Variants in TASP1 observed in about 807,000 individuals in gnomAD.
TASP1 encodes taspase 1, also known as threonine aspartase 1.
A neutral mutation model predicts 56.6 loss-of-function variants in TASP1; 16 were observed. That is an observed-to-expected ratio of 0.28 (90% CI 0.19 to 0.43). The LOEUF (loss-of-function observed/expected upper bound fraction) is 0.43. Ranked by LOEUF, TASP1 falls within the 20% of genes least tolerant of loss-of-function variation. The probability of loss-of-function intolerance (pLI) is 1.00; values close to 1 mark genes in which losing one functional copy is unlikely to be tolerated. For missense variants in TASP1, 393 were observed against 511.6 expected, an observed-to-expected ratio of 0.77 and a Z score of 2.24; for synonymous variants, 179 against 184.2, an observed-to-expected ratio of 0.97 and a Z score of 0.23.
chr20:13,266,843 G>T, the TASP1 span, among the ~76,000 whole-genome samples: 1 of 152,134 alleles, frequency 6.6e-6, no homozygotes, highest in Non-Finnish European at 1.5e-5. Flanking sequence ...TACTCTGCTG[G>T]AATAATTCAC....
intron 5 of TASP1, among the ~76,000 whole-genome samples, chr20:13,586,893 G>A (rs575456750): frequency 1.3e-5 from 2 of 151,970 alleles, no homozygotes; most frequent in South Asian, 2.1e-4. Flanking sequence ...TAAACCCCAC[G>A]GGGAAAGGAA....
intron 4 of TASP1, among the ~76,000 whole-genome samples, chr20:13,593,170 C>T (rs910285284): frequency 6.6e-6 from 1 of 152,124 alleles, no homozygotes; most frequent in Non-Finnish European, 1.5e-5. Flanking sequence ...GATAATACAT[C>T]ATAACCAAGT....
chr20:13,153,035 C>G, the TASP1 span, among the ~76,000 whole-genome samples: 3 of 152,186 alleles, frequency 2.0e-5, no homozygotes, highest in South Asian at 6.2e-4. Flanking sequence ...ACCAATAAGA[C>G]GAAAGACTGT....
chr20:13,614,370 C>A (rs1311112404), intron 4 of TASP1, among the ~76,000 whole-genome samples: 1 of 150,720 alleles, frequency 6.6e-6, no homozygotes, highest in African/African-American at 2.4e-5. Context: ...GTAGTAGAAA[C>A]TAAGGCTTTT....
At chr20:13,504,752 T>C (rs2044068374) in intron 10 of TASP1, among the ~76,000 whole-genome samples, 1 of 152,144 alleles carries the variant, frequency 6.6e-6, no homozygotes, top group African/African-American at 2.4e-5. Flanking sequence ...AGTTTTCATA[T>C]CTAATCAAAG....
the TASP1 span, among the ~76,000 whole-genome samples, chr20:13,110,375 G>A: frequency 2.0e-5 from 3 of 152,186 alleles, no homozygotes; most frequent in East Asian, 1.9e-4. Context: ...GCTGTCAGAC[G>A]TGGGTTATCT....
At chr20:13,324,917 T>C in the TASP1 span, among the ~76,000 whole-genome samples, 2 of 152,146 alleles carry the variant, frequency 1.3e-5, no homozygotes, top group Non-Finnish European at 2.9e-5. Context: ...TGAAGAAAAA[T>C]ACAAGGATCC....
chr20:13,233,695 A>C, the TASP1 span, among the ~76,000 whole-genome samples: 1 of 152,156 alleles, frequency 6.6e-6, no homozygotes, highest in African/African-American at 2.4e-5. Flanking sequence ...CATGGGACAT[A>C]GGAAAATACA....
At chr20:13,146,713 G>T in the TASP1 span, among the ~76,000 whole-genome samples, 1 of 152,150 alleles carries the variant, frequency 6.6e-6, no homozygotes, top group African/African-American at 2.4e-5. Context: ...AACAGTGTCA[G>T]AAATTTTTCA....
At chr20:13,220,114 T>G in the TASP1 span, among the ~76,000 whole-genome samples, 1 of 151,656 alleles carries the variant, frequency 6.6e-6, no homozygotes, top group Admixed American at 6.6e-5. Flanking sequence ...GTGGACTAGG[T>G]CTTGGCTCGC....
intron 10 of TASP1, among the ~76,000 whole-genome samples, chr20:13,524,594 G>A (rs544701162): frequency 1.4e-4 from 21 of 152,254 alleles, no homozygotes; most frequent in African/African-American, 4.8e-4. Context: ...TTATCTTACT[G>A]CCTCAAGACA....
chr20:13,613,449 C>T (rs2048417878), intron 4 of TASP1, among the ~76,000 whole-genome samples: 1 of 151,930 alleles, frequency 6.6e-6, no homozygotes, highest in Non-Finnish European at 1.5e-5. Context: ...GGTGATCTGC[C>T]ATTATAAACA....
chr20:13,564,322 C>G (rs1042288344), intron 7 of TASP1, among the ~76,000 whole-genome samples: 1 of 151,974 alleles, frequency 6.6e-6, no homozygotes, highest in Non-Finnish European at 1.5e-5. Flanking sequence ...ATTAAGAAAG[C>G]AATCCCATTT....
chr20:13,148,767 T>C, the TASP1 span, among the ~76,000 whole-genome samples: 1 of 152,192 alleles, frequency 6.6e-6, no homozygotes, highest in Admixed American at 6.5e-5. Flanking sequence ...CCAGAGATCC[T>C]GATTTAATGG....
At chr20:13,390,924 T>C (rs562594501) in intron 13 of TASP1, among the ~76,000 whole-genome samples, 21 of 152,318 alleles carry the variant, frequency 1.4e-4, no homozygotes, top group African/African-American at 4.8e-4. Flanking sequence ...AAAACTCAGA[T>C]AATTCAATAG....
At chr20:13,165,084 G>A in the TASP1 span, 20 of 482,586 alleles carry the variant, frequency 4.1e-5, no homozygotes, top group East Asian at 6.4e-4. Flanking sequence ...CTTCTTCCAA[G>A]TATTCTACTA....
intron 13 of TASP1, among the ~76,000 whole-genome samples, chr20:13,401,661 T>C (rs1377451335): frequency 6.6e-6 from 1 of 152,182 alleles, no homozygotes; most frequent in African/African-American, 2.4e-5. Context: ...AGTTTTTGTC[T>C]TGAGACTGAA....
chr20:13,497,497 AAG>A (rs2043776263), intron 10 of TASP1, among the ~76,000 whole-genome samples: 1 of 152,214 alleles, frequency 6.6e-6, no homozygotes, highest in African/African-American at 2.4e-5. Flanking sequence ...AGGCAAGAGA[AAG>A]AGAGAAATTC....
intron 12 of TASP1, among the ~76,000 whole-genome samples, chr20:13,427,870 C>T (rs1474493884): frequency 6.6e-6 from 1 of 152,152 alleles, no homozygotes; most frequent in Non-Finnish European, 1.5e-5. Flanking sequence ...AGTTAATTAT[C>T]AGCATTATGA....
Sources: gnomAD v4.1 joint callset for allele counts (sites outside exome capture counted in the v4.1 genomes callset) on GRCh38, gnomAD v4.1.1 for gene constraint, MANE v1.5 for transcripts, NCBI Gene and HGNC (gene_info 2026-07-23, HGNC 2026-07-21) for gene names.